The following ARHGAP15 variants were observed in gnomAD, a reference collection of about 807,000 sequenced individuals.
The protein encoded by ARHGAP15 is Rho GTPase activating protein 15, also known as rho GTPase-activating protein 15.
Under a neutral mutation model 63.7 loss-of-function variants are expected in ARHGAP15, and 51 were observed. That is an observed-to-expected ratio of 0.80 (90% CI 0.64 to 1.01). ARHGAP15 has a LOEUF of 1.01. Among genes scored for constraint, ARHGAP15 ranks in the 50% least tolerant of loss-of-function variants. The pLI is 0.00. For missense variants in ARHGAP15, 560 were observed against 564.6 expected (o/e 0.99, Z 0.08); for synonymous variants, 191 against 193.8 (o/e 0.99, Z 0.12).
At chr2:143,667,582 T>TAAAAAAAAAAAAAAAAAAAAAAAA (rs71338146) in intron 12 of ARHGAP15, among the ~76,000 whole-genome samples, 1 of 138,950 alleles carries the variant, frequency 7.2e-6, no homozygotes, top group African/African-American at 2.8e-5. Flanking sequence ...TAAAAAAAAT[T>TAAAAAAAAAAAAAAAAAAAAAAAA]AAAAAAAAAA....
intron 9 of ARHGAP15, among the ~76,000 whole-genome samples, chr2:143,493,914 C>T (rs962068659): frequency 3.9e-5 from 6 of 152,170 alleles, no homozygotes; most frequent in Admixed American, 3.9e-4. Context: ...AATTCCATTG[C>T]CTGTCCAACA....
chr2:143,493,591 T>C (rs1692681995), intron 9 of ARHGAP15, among the ~76,000 whole-genome samples: 1 of 152,234 alleles, frequency 6.6e-6, no homozygotes, highest in Non-Finnish European at 1.5e-5. Context: ...TATGTCATTA[T>C]GTGCTTTCAT....
intron 8 of ARHGAP15, among the ~76,000 whole-genome samples, chr2:143,467,242 C>CTTTTTTTTT (rs202115707): frequency 6.9e-5 from 4 of 57,894 alleles, no homozygotes; most frequent in African/African-American, 1.5e-4. Context: ...ACTCCATGGC[C>CTTTTTTTTT]TTTTTTTTTT....
intron 8 of ARHGAP15, among the ~76,000 whole-genome samples, chr2:143,457,659 A>T (rs1690727588): frequency 6.6e-6 from 1 of 151,378 alleles, no homozygotes; most frequent in Non-Finnish European, 1.5e-5. Context: ...CACAGTATTT[A>T]TTATTAACTA....
At chr2:143,220,336 G>A (rs979598929) in intron 4 of ARHGAP15, among the ~76,000 whole-genome samples, 2 of 152,044 alleles carry the variant, frequency 1.3e-5, no homozygotes, top group African/African-American at 4.8e-5. Context: ...GGATAAATGA[G>A]TAGCTGGGAC....
At chr2:143,264,210 A>G (rs986376682) in intron 6 of ARHGAP15, among the ~76,000 whole-genome samples, 7 of 152,094 alleles carry the variant, frequency 4.6e-5, no homozygotes, top group African/African-American at 1.7e-4. Context: ...AGTGAATTCA[A>G]AAATACCCAG....
At chr2:143,516,098 C>T (rs1255992701) in intron 9 of ARHGAP15, among the ~76,000 whole-genome samples, 1 of 152,178 alleles carries the variant, frequency 6.6e-6, no homozygotes, top group Non-Finnish European at 1.5e-5. Context: ...ATTGCCTCTG[C>T]GTTTCCCCAG....
At chr2:143,169,816 G>C (rs986420775) in intron 2 of ARHGAP15, among the ~76,000 whole-genome samples, 5 of 151,650 alleles carry the variant, frequency 3.3e-5, no homozygotes, top group Non-Finnish European at 7.4e-5. Context: ...CGTAGAGGTA[G>C]TAATGCTTTT....
At chr2:143,451,193 C>T (rs987170517) in intron 8 of ARHGAP15, among the ~76,000 whole-genome samples, 1 of 151,788 alleles carries the variant, frequency 6.6e-6, no homozygotes, top group Non-Finnish European at 1.5e-5. Context: ...ATTCGCCTCT[C>T]GGGGATAGCA....
intron 13 of ARHGAP15, among the ~76,000 whole-genome samples, chr2:143,761,676 A>G (rs1416030580): frequency 6.6e-6 from 1 of 152,184 alleles, no homozygotes; most frequent in Non-Finnish European, 1.5e-5. Flanking sequence ...TGAATTAGCA[A>G]TTCAGCTCAT....
chr2:143,164,663 C>T lies in ARHGAP15; in HGVS notation c.165+9008C>T, dbSNP rs139525827. On this transcript the variant is annotated intron_variant, in intron 2 of 13. Transcript: ENST00000295095. ...AAAAAACCCAGGGGAAATTCAGTTA[C>T]TTGATTTTTTTCTCCTCTTCCTCTT... Among the ~76,000 whole-genome samples the T allele has an allele frequency of 8.6e-3, 1,308 of 152,010 alleles. 11 individuals carry two copies. The highest frequency in any genetic ancestry group is 0.013 in the Non-Finnish European group (854 of 67,922).
At chr2:143,703,381 G>GT (rs1684178431) in intron 12 of ARHGAP15, 38 bp from the exon 13 acceptor site, 10 of 1,566,096 alleles carry the variant, frequency 6.4e-6, no homozygotes, top group South Asian at 2.3e-5. Context: ...ATGAAATCTT[G>GT]TTTTTTCCCT....
At chr2:143,293,988 A>AAG (rs1682521760) in intron 6 of ARHGAP15, among the ~76,000 whole-genome samples, 1 of 152,082 alleles carries the variant, frequency 6.6e-6, no homozygotes, top group Non-Finnish European at 1.5e-5. Flanking sequence ...CTGGAAATGT[A>AAG]ACTCAATGGT....
chr2:143,575,226 A>G (rs2105130648), intron 11 of ARHGAP15, among the ~76,000 whole-genome samples: 1 of 152,262 alleles, frequency 6.6e-6, no homozygotes, highest in African/African-American at 2.4e-5. Flanking sequence ...GTACACTTTA[A>G]AGATTACTTT....
chr2:143,278,895 A>G (rs1391919979), intron 6 of ARHGAP15, among the ~76,000 whole-genome samples: 2 of 145,402 alleles, frequency 1.4e-5, no homozygotes, highest in Non-Finnish European at 3.0e-5. Context: ...GCCAGGCTAC[A>G]TGTAAGATGG....
At chr2:143,509,368 G>A (rs961365518) in intron 9 of ARHGAP15, among the ~76,000 whole-genome samples, 1 of 151,464 alleles carries the variant, frequency 6.6e-6, no homozygotes, top group Admixed American at 6.6e-5. Context: ...GGCAATGAGA[G>A]AGGTTTACTT....
At chr2:143,559,343 T>C (rs1695934022) in intron 11 of ARHGAP15, among the ~76,000 whole-genome samples, 1 of 152,224 alleles carries the variant, frequency 6.6e-6, no homozygotes, top group Admixed American at 6.5e-5. Flanking sequence ...TCTGAGGCTA[T>C]GTAACTGCTC....
At position 143,141,695 on chromosome 2, in the gene ARHGAP15, G is replaced by A. The variant is rs1336388264; in HGVS notation, c.-15+12229G>A. On this transcript the variant is annotated intron_variant, in intron 1 of 13. Transcript: ENST00000295095. Reference sequence around the variant, plus strand: ...AATGTCTGACGATCCTCTTTCTAAAGCAGTAGTACAAATGCAAATGCAAAT... The same window carrying A: ...AATGTCTGACGATCCTCTTTCTAAAACAGTAGTACAAATGCAAATGCAAAT... 7.2e-5 allele frequency among the ~76,000 whole-genome samples: 11 copies of A among 152,250 alleles called. 1 individual carries two copies. The South Asian group carries it at 2.1e-3, about 29-fold the overall frequency.
At chr2:143,249,273 CA>C (rs915996532) in intron 5 of ARHGAP15, among the ~76,000 whole-genome samples, 3 of 150,438 alleles carry the variant, frequency 2.0e-5, no homozygotes, top group East Asian at 3.9e-4. Context: ...TACAATGTTT[CA>C]AAAAAAAATT....
Sources: gnomAD v4.1 joint callset for allele counts (sites outside exome capture counted in the v4.1 genomes callset) on GRCh38, gnomAD v4.1.1 for gene constraint, MANE v1.5 for transcripts, NCBI Gene and HGNC (gene_info 2026-07-23, HGNC 2026-07-21) for gene names.